Variants in KLHL1 observed in about 807,000 individuals in gnomAD.
The protein encoded by KLHL1 is kelch like family member 1.
In KLHL1, 47 loss-of-function variants were observed where a neutral mutation model predicts 77.7. The ratio of observed to expected loss-of-function variants is 0.60; its 90% CI spans 0.48 to 0.77. The LOEUF (loss-of-function observed/expected upper bound fraction) is 0.77. Ranked by LOEUF, KLHL1 falls within the 30% of genes least tolerant of loss-of-function variation. The pLI is 0.00. For synonymous variants in KLHL1, 360 were observed against 325.2 expected, an observed-to-expected ratio of 1.11 and a Z score of -1.15; for missense variants, 925 against 910.8, an observed-to-expected ratio of 1.02 and a Z score of -0.20.
intron 4 of KLHL1, among the ~76,000 whole-genome samples, chr13:69,916,291 G>A (rs1475033619): frequency 7.2e-5 from 11 of 151,982 alleles, no homozygotes; most frequent in South Asian, 2.1e-4. Context: ...ACATGCACAC[G>A]TATGTTTATT....
chr13:70,044,301 T>C (rs1199072936), intron 1 of KLHL1, among the ~76,000 whole-genome samples: 1 of 152,220 alleles, frequency 6.6e-6, no homozygotes, highest in African/African-American at 2.4e-5. Context: ...TATTGCCATC[T>C]TGAATTTACA....
chr13:69,834,684 G>A (rs577462601), intron 6 of KLHL1, among the ~76,000 whole-genome samples: 34 of 152,144 alleles, frequency 2.2e-4, no homozygotes, highest in African/African-American at 7.7e-4. Context: ...ACAATTAATA[G>A]TAAGTGTTTC....
At chr13:69,913,621 G>T (rs1456762738) in intron 4 of KLHL1, among the ~76,000 whole-genome samples, 1 of 152,170 alleles carries the variant, frequency 6.6e-6, no homozygotes, top group African/African-American at 2.4e-5. Flanking sequence ...CAGGGAAAAG[G>T]TGCAAAAGTT....
chr13:69,726,681 A>C (rs1873311855), intron 8 of KLHL1, among the ~76,000 whole-genome samples: 1 of 152,168 alleles, frequency 6.6e-6, no homozygotes, highest in Non-Finnish European at 1.5e-5. Flanking sequence ...ATGTGAATTA[A>C]TTTAGATCAA....
chr13:69,779,419 T>C (rs892586691), intron 7 of KLHL1, among the ~76,000 whole-genome samples: 2 of 145,484 alleles, frequency 1.4e-5, no homozygotes, highest in African/African-American at 5.0e-5. Flanking sequence ...TTTCCTTCCC[T>C]TTTTCCTTCT....
intron 7 of KLHL1, among the ~76,000 whole-genome samples, chr13:69,786,016 C>T (rs1429617242): frequency 6.6e-6 from 1 of 152,000 alleles, no homozygotes; most frequent in Non-Finnish European, 1.5e-5. Context: ...CAATAATCAA[C>T]AGCTTACCCC....
intron 9 of KLHL1, among the ~76,000 whole-genome samples, chr13:69,718,357 C>T (rs1196298604): frequency 6.6e-6 from 1 of 151,992 alleles, no homozygotes; most frequent in Non-Finnish European, 1.5e-5. Context: ...GAAAAATTTA[C>T]TACTCTCTGG....
At chr13:69,772,210 T>C (rs1875605995) in intron 7 of KLHL1, among the ~76,000 whole-genome samples, 1 of 151,972 alleles carries the variant, frequency 6.6e-6, no homozygotes. Context: ...AAACATTTTA[T>C]AGAAAAGCAT....
intron 4 of KLHL1, among the ~76,000 whole-genome samples, chr13:69,921,177 A>C (rs1049373387): frequency 2.0e-5 from 3 of 152,208 alleles, no homozygotes; most frequent in African/African-American, 7.2e-5. Flanking sequence ...CCTATTTGGC[A>C]AAAAGAAACG....
intron 4 of KLHL1, among the ~76,000 whole-genome samples, chr13:69,893,360 G>A (rs534698756): frequency 1.9e-4 from 28 of 150,822 alleles, no homozygotes; most frequent in African/African-American, 6.6e-4. Context: ...TCAGCCTCCC[G>A]AGTAGCTGGG....
intron 4 of KLHL1, among the ~76,000 whole-genome samples, chr13:69,936,592 CA>C (rs57906720): frequency 0.063 from 5,005 of 79,934 alleles, 81 homozygotes; most frequent in African/African-American, 0.1. Context: ...GACTCCATCT[CA>C]AAAAAAAAAA....
chr13:69,834,472 T>G (rs1878901455), intron 6 of KLHL1, among the ~76,000 whole-genome samples: 1 of 151,992 alleles, frequency 6.6e-6, no homozygotes, highest in Non-Finnish European at 1.5e-5. Context: ...TTTCACATCT[T>G]CAAAATATTA....
At chr13:69,938,850 G>C (rs906166321) in intron 4 of KLHL1, among the ~76,000 whole-genome samples, 3 of 151,904 alleles carry the variant, frequency 2.0e-5, no homozygotes, top group Non-Finnish European at 4.4e-5. Context: ...AAAGGAAAAA[G>C]AAAATAATTT....
chr13:69,853,454 C>T (rs2911521), intron 5 of KLHL1, among the ~76,000 whole-genome samples: 140,571 of 152,016 alleles, frequency 0.92, 65,196 homozygotes, highest in East Asian at 0.99. Context: ...TCGATTAAGC[C>T]TCTTTCCTTT....
intron 6 of KLHL1, among the ~76,000 whole-genome samples, chr13:69,813,463 CACAT>C: frequency 7.1e-6 from 1 of 140,074 alleles, no homozygotes; most frequent in South Asian, 2.3e-4. Flanking sequence ...AAAAAATACA[CACAT>C]ATATACACAC....
At chr13:69,925,129 C>T (rs760197019) in intron 4 of KLHL1, among the ~76,000 whole-genome samples, 53 of 152,260 alleles carry the variant, frequency 3.5e-4, no homozygotes, top group Admixed American at 4.6e-4. Context: ...AAGGCACCAC[C>T]GGACACAGAG....
intron 3 of KLHL1, among the ~76,000 whole-genome samples, chr13:69,955,588 C>T (rs1383939470): frequency 1.3e-5 from 2 of 151,130 alleles, no homozygotes; most frequent in Non-Finnish European, 3.0e-5. Flanking sequence ...TTTTCTTACA[C>T]ATCAATGAAC....
At chr13:69,893,283 G>T (rs1161218447) in intron 4 of KLHL1, among the ~76,000 whole-genome samples, 43 of 148,132 alleles carry the variant, frequency 2.9e-4, no homozygotes, top group Middle Eastern at 7.0e-3. Context: ...GCCGGACTGC[G>T]GACTGCAGTG....
chr13:70,026,706 GTGT>G lies in KLHL1; in HGVS notation c.498-50907_498-50905del, dbSNP rs1247260203. Among the ~76,000 whole-genome samples the G allele has an allele frequency of 0.026, 28 of 1,066 alleles. No individual in the cohort carries two copies. The East Asian group carries it at 0.32, about 12-fold the overall frequency. 0.7% of individuals were successfully genotyped at this position (1,066 alleles called of 152,430 possible). On this transcript the variant is annotated intron_variant, in intron 1 of 10. Transcript: ENST00000377844. Reference sequence around the variant, plus strand: ...TGCTGTCAATTTAAGAACTTAGGGTGTGTGTGTGTGTGTGTGTGTGTGTGTGTG... The same window carrying G: ...TGCTGTCAATTTAAGAACTTAGGGTGGTGTGTGTGTGTGTGTGTGTGTGTG...
Sources: gnomAD v4.1 joint callset for allele counts (sites outside exome capture counted in the v4.1 genomes callset) on GRCh38, gnomAD v4.1.1 for gene constraint, MANE v1.5 for transcripts, NCBI Gene and HGNC (gene_info 2026-07-23, HGNC 2026-07-21) for gene names.